The following SMYD5 variants were observed in gnomAD, a reference collection of about 807,000 sequenced individuals.
SMYD5 encodes SMYD family member 5, also known as protein-lysine N-trimethyltransferase SMYD5.
Under a neutral mutation model 57.4 loss-of-function variants are expected in SMYD5, and 35 were observed. The ratio of observed to expected loss-of-function variants is 0.61; its 90% confidence interval spans 0.47 to 0.81. The LOEUF (loss-of-function observed/expected upper bound fraction) is 0.81. Ranked by LOEUF, SMYD5 falls within the 30% of genes least tolerant of loss-of-function variation. The pLI, the probability that SMYD5 is intolerant of heterozygous loss-of-function variation, is 0.00. For missense variants in SMYD5, 471 were observed against 527.9 expected (o/e 0.89, Z 1.06); for synonymous variants, 198 against 189.7 (o/e 1.04, Z -0.36).
chr2:73,222,755 G>A lies in SMYD5; in HGVS notation c.643G>A (p.Gly215Ser). The A allele has an allele frequency of 3.1e-6, 5 of 1,611,140 alleles. No homozygotes were observed. The South Asian group carries it at 4.4e-5, about 14-fold the overall frequency. Residue 215 changes from glycine (G) to serine (S), a missense_variant and splice_region_variant, in exon 7 of 13, where the codon GGC becomes AGC. By Grantham distance (56) the Gly-to-Ser change is moderately conservative. Coordinates refer to ENST00000389501, the MANE Select transcript of SMYD5 (RefSeq NM_006062.3). Reference sequence around the variant, plus strand: ...TCTCTCCCTGCTTCCTCTAATCCAGGGCCAACTGGAACTTCTGCGGAGACT... The same window carrying A: ...TCTCTCCCTGCTTCCTCTAATCCAGAGCCAACTGGAACTTCTGCGGAGACT... The part of the protein sequence containing the change: ...VHKLLGDKFK[G>S]QLELLRRLFT...
intron 11 of SMYD5, 190 bp from the exon 12 acceptor site, chr2:73,225,441 G>A (rs925509945): frequency 7.4e-6 from 5 of 672,350 alleles, no homozygotes; most frequent in Admixed American, 7.4e-5. Flanking sequence ...CAGGCTGTTG[G>A]AGCCTTATAG....
chr2:73,215,905 T>C (rs1686286192), intron 1 of SMYD5, among the ~76,000 whole-genome samples: 1 of 151,962 alleles, frequency 6.6e-6, no homozygotes, highest in Non-Finnish European at 1.5e-5. Context: ...TTCCTCAAGT[T>C]GCCACATGAG....
intron 8 of SMYD5, 125 bp from the exon 9 acceptor site, chr2:73,223,301 A>G: frequency 1.2e-6 from 1 of 821,226 alleles, no homozygotes. Context: ...ATGGGCCCCC[A>G]CCTGGAGAAT....
intron 2 of SMYD5, 107 bp downstream of exon 2, chr2:73,219,076 G>C (rs1454589677): frequency 1.3e-6 from 1 of 783,256 alleles, no homozygotes; most frequent in African/African-American, 1.7e-5. Flanking sequence ...GTGTTGGGAG[G>C]AAATGCTGTC....
intron 10 of SMYD5, 36 bp downstream of exon 10, chr2:73,224,039 G>A (rs750179401): frequency 2.5e-5 from 40 of 1,602,876 alleles, no homozygotes; most frequent in South Asian, 6.6e-5. Context: ...GGTCCCAGGC[G>A]CTTCTGCCTT....
rs1343770608 is a variant in SMYD5, at chr2:73,222,765, A to G, written c.653A>G (p.Glu218Gly). 6.2e-7 allele frequency: 1 copy of G among 1,612,610 alleles called. No homozygotes were observed. The highest frequency in any genetic ancestry group is 1.1e-5 in the South Asian group (1 of 90,608). Residue 218 changes from glutamate to glycine, a missense_variant, in exon 7 of 13, where the codon GAA (glutamate) becomes GGA (glycine). Coordinates refer to ENST00000389501, the MANE Select transcript of SMYD5 (RefSeq NM_006062.3). ...LLGDKFKGQL[E>G]LLRRLFTEAL... ...CTTCCTCTAATCCAGGGCCAACTGGAACTTCTGCGGAGACTCTTCACAGAG... is the reference window on the plus strand; with the variant it reads ...CTTCCTCTAATCCAGGGCCAACTGGGACTTCTGCGGAGACTCTTCACAGAG...
chr2:73,214,831 G>T (rs1328679747), intron 1 of SMYD5: 2 of 1,303,082 alleles, frequency 1.5e-6, no homozygotes, highest in Admixed American at 2.3e-5. Context: ...TCCAAAGGCC[G>T]TGGGGGCATT....
chr2:73,219,433 G>A (rs925319213), intron 2 of SMYD5, among the ~76,000 whole-genome samples: 2 of 152,186 alleles, frequency 1.3e-5, no homozygotes, highest in African/African-American at 4.8e-5. Context: ...CCAGGCTAAA[G>A]TGCAGTGGTG....
chr2:73,221,991 C>A, intron 6 of SMYD5, 61 bp downstream of exon 6: 2 of 1,073,496 alleles, frequency 1.9e-6, no homozygotes, highest in Non-Finnish European at 2.9e-6. Context: ...TGTCTCTGGC[C>A]AGCTGTGGGG....
chr2:73,216,757 G>T (rs1686300190), intron 1 of SMYD5, among the ~76,000 whole-genome samples: 1 of 152,066 alleles, frequency 6.6e-6, no homozygotes, highest in African/African-American at 2.4e-5. Context: ...TTTTTATAGA[G>T]ATGGGGTCTT....
intron 11 of SMYD5, chr2:73,225,371 T>A: frequency 1.8e-6 from 1 of 569,736 alleles, no homozygotes; most frequent in Non-Finnish European, 3.1e-6. Flanking sequence ...GCTGCAGACC[T>A]TGGCCATTGA....
rs768775330 is a variant in SMYD5, at chr2:73,225,667, G to A, written c.1072G>A (p.Glu358Lys). ...CISYLDCCQR[E>K]RSRHSRHKIL... ...CAGCTACTTGGACTGCTGTCAGCGG[G>A]AGCGCAGCCGCCACAGCCGCCACAA... Residue 358 changes from glutamate (E) to lysine (K), a missense_variant, in exon 12 of 13, where the codon GAG becomes AAG. By Grantham distance (56) the Glu-to-Lys change is moderately conservative. Coordinates refer to ENST00000389501, the MANE Select transcript of SMYD5 (RefSeq NM_006062.3). 1.7e-5 allele frequency: 27 copies of A among 1,614,060 alleles called. No individual in the cohort carries two copies. Among genetic ancestry groups the A allele is most frequent in the Admixed American group, 1.3e-4 (8 of 60,004 alleles).
chr2:73,217,046 G>T (rs776276592), intron 1 of SMYD5, among the ~76,000 whole-genome samples: 32 of 151,960 alleles, frequency 2.1e-4, no homozygotes, highest in African/African-American at 7.0e-4. Flanking sequence ...CCGCCTCCTG[G>T]GTTCAAGCGA....
intron 10 of SMYD5, 130 bp downstream of exon 10, chr2:73,224,133 G>T: frequency 1.3e-6 from 1 of 775,190 alleles, no homozygotes; most frequent in Non-Finnish European, 2.3e-6. Context: ...AGCCCCATTA[G>T]GTCTGAGCTC....
At chr2:73,222,031 A>C in intron 6 of SMYD5, 101 bp downstream of exon 6, 3 of 753,398 alleles carry the variant, frequency 4.0e-6, no homozygotes, top group Non-Finnish European at 7.0e-6. Flanking sequence ...TCTGAGCTAC[A>C]GGAAGGAGTT....
intron 5 of SMYD5, 143 bp from the exon 6 acceptor site, chr2:73,221,683 T>C: frequency 1.5e-6 from 1 of 654,990 alleles, no homozygotes. Context: ...GGGGAGATGG[T>C]TGTGGGTGGG....
chr2:73,226,158 C>A lies in SMYD5; in HGVS notation c.*212C>A. 1 of 644,706 alleles carries A rather than the reference C, an allele frequency of 1.6e-6. No homozygotes were observed. The highest frequency in any genetic ancestry group is 2.8e-5 in the East Asian group (1 of 35,670). 39.9% of individuals were successfully genotyped at this position (644,706 alleles called of 1,614,324 possible). A position where few individuals can be genotyped will look rare whatever the true frequency, so the allele number is the denominator to read the frequency against. On this transcript the variant is annotated 3_prime_UTR_variant, in exon 13 of 13. Transcript: ENST00000389501. ...GACACTGCTGCTGAGTTGGCTCAGA[C>A]TCTGCACTGGCACTGAGCCTTTCAC...
rs1686335406 is a variant in SMYD5 at position 73,218,887 on chromosome 2, C to T, written c.123C>T (p.Leu41=). 1.9e-6 allele frequency: 3 copies of T among 1,614,162 alleles called. No individual in the cohort carries two copies. Among genetic ancestry groups the T allele is most frequent in the African/African-American group, 1.3e-5 (1 of 75,068 alleles). The change falls in exon 2 of 13, where the codon CTC becomes CTT. Residue 41 remains leucine (L), a synonymous_variant. Transcript: ENST00000389501. ...AKGKGLFATQ[L]IRKGETIFVE... is the part of the protein sequence containing the mutation. ...GAAAGGGGCTGTTTGCCACACAGCTCATCCGGAAGGGGGAGACCATCTTCG... is the reference window on the plus strand; with the variant it reads ...GAAAGGGGCTGTTTGCCACACAGCTTATCCGGAAGGGGGAGACCATCTTCG...
chr2:73,219,004 C>T (rs201061225), intron 2 of SMYD5, 35 bp downstream of exon 2: 46 of 1,480,044 alleles, frequency 3.1e-5, no homozygotes, highest in Middle Eastern at 3.4e-4. Context: ...ATGGCCCAGT[C>T]GTCTTTGTGC....
Sources: allele counts gnomAD v4.1 joint callset (sites outside exome capture counted in the v4.1 genomes callset), GRCh38; gene constraint gnomAD v4.1.1; transcripts MANE v1.5; gene names NCBI Gene and HGNC (gene_info 2026-07-23, HGNC 2026-07-21).